The following BRWD3 variants were observed in gnomAD, a reference collection of about 807,000 sequenced individuals.
BRWD3 encodes bromodomain and WD repeat domain containing 3.
Under a neutral mutation model 149.7 loss-of-function variants are expected in BRWD3, and 10 were observed. The ratio of observed to expected loss-of-function variants is 0.07; its 90% CI spans 0.04 to 0.11. BRWD3 has a LOEUF of 0.11. Among genes scored for constraint, BRWD3 ranks in the 10% least tolerant of loss-of-function variants. The probability of loss-of-function intolerance (pLI) is 1.00; values close to 1 mark genes in which losing one functional copy is unlikely to be tolerated. For synonymous variants in BRWD3, 504 were observed against 456.7 expected, an observed-to-expected ratio of 1.10 and a Z score of -1.32; for missense variants, 940 against 1,373.2, an observed-to-expected ratio of 0.68 and a Z score of 4.99.
chrX:80,689,751 C>T lies in BRWD3; in HGVS notation c.3807+17G>A, dbSNP rs781385801. ...AGAAAAGTAACTCATTCCTACTAAT[C>T]ATGCTGTGATTCTTACCTCCTCTGC... On this transcript the variant is annotated intron_variant, in intron 33 of 40. Transcript: ENST00000373275. 3.4e-6 allele frequency: 4 copies of T among 1,164,499 alleles called. No individual in the cohort carries two copies. Among genetic ancestry groups the T allele is most frequent in the Non-Finnish European group, 2.3e-6 (2 of 854,792 alleles).
intron 26 of BRWD3, among the ~76,000 whole-genome samples, chrX:80,696,506 T>C (rs1165799065): frequency 1.1e-5 from 1 of 93,442 alleles, no homozygotes; most frequent in Non-Finnish European, 2.1e-5. Context: ...TATGTAACTA[T>C]CCATAACATA....
intron 38 of BRWD3, among the ~76,000 whole-genome samples, 172 bp downstream of exon 38, chrX:80,682,293 A>C (rs2072460058): frequency 9.0e-6 from 1 of 111,642 alleles, no homozygotes; most frequent in Non-Finnish European, 1.9e-5. Context: ...GGATAGTAAA[A>C]CCCACATAAA....
rs759662872 is a variant in BRWD3, at chrX:80,709,564, G to T, written c.2339C>A (p.Pro780His). Residue 780 changes from proline to histidine, a missense_variant, in exon 21 of 41, where the codon CCT becomes CAT. Transcript: ENST00000373275. ...SYTTQRNDYE[P>H]SCGRSLRRTQ... ...CCTGCGTAAAGAACGCCCACAGCTAGGCTCATAATCATTCTGTAAAAGAGA... is the reference window on the plus strand; with the variant it reads ...CCTGCGTAAAGAACGCCCACAGCTATGCTCATAATCATTCTGTAAAAGAGA... The T allele has an allele frequency of 1.7e-6, 2 of 1,209,252 alleles. No individual in the cohort carries two copies. Among genetic ancestry groups the T allele is most frequent in the Non-Finnish European group, 1.1e-6 (1 of 894,027 alleles).
chrX:80,793,598 A>G, intron 5 of BRWD3, 24 bp downstream of exon 5: 2 of 1,200,644 alleles, frequency 1.7e-6, no homozygotes, highest in Non-Finnish European at 2.3e-6. Context: ...CTGATATCAC[A>G]GTCCTAAATT....
intron 24 of BRWD3, among the ~76,000 whole-genome samples, chrX:80,701,652 C>CT (rs1041498345): frequency 9.3e-6 from 1 of 107,448 alleles, no homozygotes; most frequent in African/African-American, 3.4e-5. Flanking sequence ...TTAACATACT[C>CT]TACCAATCAA....
chrX:80,800,433 C>CA (rs1419191257), intron 4 of BRWD3, among the ~76,000 whole-genome samples: 1 of 105,402 alleles, frequency 9.5e-6, no homozygotes, highest in Non-Finnish European at 1.9e-5. Context: ...TCCCAGCTAT[C>CA]AGAGGCTGAG....
rs1441632864 is a variant in BRWD3 at position 80,709,503 on chromosome X, C to A, written c.2400G>T (p.Arg800=). 2 of 1,209,941 alleles carry A rather than the reference C, an allele frequency of 1.7e-6. No individual in the cohort carries two copies. Among genetic ancestry groups the A allele is most frequent in the South Asian group, 3.5e-5 (2 of 56,945 alleles). The change falls in exon 21 of 41, where the codon CGG becomes CGT. Residue 800 remains arginine, a synonymous_variant. Coordinates refer to ENST00000373275, the MANE Select transcript of BRWD3 (RefSeq NM_153252.5). ...QRKRQHTYQT[R]SNIEHNSQAS... Reference sequence around the variant, plus strand: ...CCTGTGAATTATGCTCTATGTTGGACCGTGTTTGGTAAGTATGCTGACGTT... The same window carrying A: ...CCTGTGAATTATGCTCTATGTTGGAACGTGTTTGGTAAGTATGCTGACGTT...
At chrX:80,773,000 C>A (rs2073962858) in intron 6 of BRWD3, among the ~76,000 whole-genome samples, 1 of 111,681 alleles carries the variant, frequency 9.0e-6, no homozygotes, top group African/African-American at 3.3e-5. Context: ...TGTATAATTC[C>A]ATTGATAGAA....
At chrX:80,713,442 GGATTAAGGGCGGTGCAA>G (rs1454015911) in intron 20 of BRWD3, among the ~76,000 whole-genome samples, 2 of 111,365 alleles carry the variant, frequency 1.8e-5, no homozygotes, top group African/African-American at 6.6e-5. Flanking sequence ...AGAGTTAAAT[GGATTAAGGGCGGTGCAA>G]GATGTGCTTT....
chrX:80,784,636 G>A (rs2074090548), intron 6 of BRWD3, among the ~76,000 whole-genome samples: 1 of 111,671 alleles, frequency 9.0e-6, no homozygotes, highest in African/African-American at 3.3e-5. Context: ...AGAACATGCA[G>A]TGTTTGGTTT....
intron 24 of BRWD3, among the ~76,000 whole-genome samples, chrX:80,700,848 T>C (rs1411401727): frequency 3.6e-5 from 4 of 111,185 alleles, no homozygotes; most frequent in African/African-American, 9.8e-5. Flanking sequence ...ATAAGTAATA[T>C]AGAGATAATT....
chrX:80,698,007 A>C (rs1232395412), intron 25 of BRWD3, among the ~76,000 whole-genome samples: 1 of 111,940 alleles, frequency 8.9e-6, no homozygotes, highest in Non-Finnish European at 1.9e-5. Context: ...ACCCATTCTG[A>C]CTGGTGTGAG....
chrX:80,683,718 T>G (rs1444976908), intron 37 of BRWD3, among the ~76,000 whole-genome samples: 3 of 111,503 alleles, frequency 2.7e-5, no homozygotes, highest in African/African-American at 9.8e-5. Flanking sequence ...TTCACATAAA[T>G]CAACACTGTC....
At chrX:80,693,896 G>A (rs2072645105) in intron 27 of BRWD3, among the ~76,000 whole-genome samples, 1 of 111,937 alleles carries the variant, frequency 8.9e-6, no homozygotes, top group Admixed American at 9.5e-5. Flanking sequence ...CCCATTTTCT[G>A]AGGAGAAATT....
At chrX:80,742,675 T>C (rs1294689565) in intron 8 of BRWD3, among the ~76,000 whole-genome samples, 6 of 110,207 alleles carry the variant, frequency 5.4e-5, no homozygotes, top group Admixed American at 1.9e-4. Context: ...AATGGGAGTT[T>C]ACTCATGATT....
chrX:80,686,327 T>C (rs1337376166), intron 35 of BRWD3, among the ~76,000 whole-genome samples: 2 of 108,928 alleles, frequency 1.8e-5, no homozygotes, highest in East Asian at 5.7e-4. Flanking sequence ...GACGAGTTAA[T>C]GGGTGCAGCA....
intron 6 of BRWD3, among the ~76,000 whole-genome samples, chrX:80,758,239 G>T (rs760136831): frequency 9.0e-6 from 1 of 111,573 alleles, no homozygotes; most frequent in South Asian, 3.7e-4. Flanking sequence ...GTCAAACGAG[G>T]TCTCTGTCCT....
intron 6 of BRWD3, among the ~76,000 whole-genome samples, chrX:80,761,938 C>T (rs1044534461): frequency 3.6e-5 from 4 of 111,273 alleles, no homozygotes; most frequent in African/African-American, 1.3e-4. Flanking sequence ...GACACATTTG[C>T]CCACAGGTAC....
chrX:80,729,047 T>A, intron 13 of BRWD3, 142 bp from the exon 14 acceptor site: 1 of 507,933 alleles, frequency 2.0e-6, no homozygotes, highest in Admixed American at 3.6e-5. Flanking sequence ...TAAGTATTCA[T>A]GAAAGAAAAA....
Sources: allele counts gnomAD v4.1 joint callset (sites outside exome capture counted in the v4.1 genomes callset), GRCh38; gene constraint gnomAD v4.1.1; transcripts MANE v1.5; gene names NCBI Gene and HGNC (gene_info 2026-07-23, HGNC 2026-07-21).